Variants in SAMD3 observed in about 807,000 individuals in gnomAD.
SAMD3 encodes the protein sterile alpha motif domain containing 3.
Under a neutral mutation model 58.5 loss-of-function variants are expected in SAMD3, and 63 were observed. That is an observed-to-expected ratio of 1.08 (90% CI 0.88 to 1.33). The LOEUF (loss-of-function observed/expected upper bound fraction) is 1.33. SAMD3 is among the 40% of genes most tolerant of loss of function. SAMD3 has a pLI of 0.00. For missense variants in SAMD3, 604 were observed against 608.4 expected (o/e 0.99, Z 0.08); for synonymous variants, 220 against 210.3 (o/e 1.05, Z -0.40).
At chr6:130,195,282 T>C (rs913516658) in intron 5 of SAMD3, among the ~76,000 whole-genome samples, 1 of 152,072 alleles carries the variant, frequency 6.6e-6, no homozygotes, top group African/African-American at 2.4e-5. Context: ...ATGCACCCCT[T>C]ACCATCTCAT....
intron 9 of SAMD3, 80 bp downstream of exon 9, chr6:130,154,745 A>G (rs1789616593): frequency 1.6e-5 from 5 of 313,762 alleles, no homozygotes; most frequent in South Asian, 1.7e-4. Flanking sequence ...ATATATATGT[A>G]TGTATATATA....
chr6:130,178,342 C>CGTGTGAT (rs1280910615), intron 7 of SAMD3, among the ~76,000 whole-genome samples: 30 of 150,220 alleles, frequency 2.0e-4, no homozygotes, highest in African/African-American at 7.4e-4. Context: ...GCTGCAATGC[C>CGTGTGAT]GTGTGATTGA....
chr6:130,275,288 C>T (rs1262030953), intron 2 of SAMD3, among the ~76,000 whole-genome samples: 1 of 152,110 alleles, frequency 6.6e-6, no homozygotes, highest in African/African-American at 2.4e-5. Context: ...TTGAATCAGC[C>T]TGGGTCCCAT....
chr6:130,278,412 T>C (rs997530351), intron 2 of SAMD3, among the ~76,000 whole-genome samples: 3 of 152,222 alleles, frequency 2.0e-5, no homozygotes, highest in Non-Finnish European at 2.9e-5. Context: ...AATTCCCCTG[T>C]CTTGATAAAA....
At chr6:130,346,039 A>G (rs6915757) in intron 1 of SAMD3, among the ~76,000 whole-genome samples, 74,080 of 152,220 alleles carry the variant, frequency 0.49, 22,124 homozygotes, top group African/African-American at 0.85. Flanking sequence ...ATATGCAGCC[A>G]TGGAAGTTTT....
At chr6:130,210,295 C>A (rs1212516445) in intron 4 of SAMD3, among the ~76,000 whole-genome samples, 2 of 152,184 alleles carry the variant, frequency 1.3e-5, no homozygotes, top group Non-Finnish European at 2.9e-5. Context: ...GCCTACACAT[C>A]CTTTTCAAAA....
chr6:130,220,994 C>T (rs373645333), intron 1 of SAMD3, among the ~76,000 whole-genome samples: 10 of 152,218 alleles, frequency 6.6e-5, no homozygotes, highest in South Asian at 2.1e-4. Flanking sequence ...GCTGGGACTA[C>T]GGGTGCCCAC....
At chr6:130,231,521 G>A (rs1048165657) in intron 2 of SAMD3, among the ~76,000 whole-genome samples, 4 of 152,006 alleles carry the variant, frequency 2.6e-5, no homozygotes, top group South Asian at 2.1e-4. Context: ...CCAAGATCAC[G>A]CCATTGCACT....
At chr6:130,184,280 T>G (rs1172671519) in intron 6 of SAMD3, 93 bp from the exon 7 acceptor site, 1 of 1,222,788 alleles carries the variant, frequency 8.2e-7, no homozygotes, top group Non-Finnish European at 1.1e-6. Flanking sequence ...TTTCTTCACA[T>G]TTTTCTATAT....
upstream of SAMD3, among the ~76,000 whole-genome samples, chr6:130,223,289 C>T (rs566097926): frequency 6.6e-6 from 1 of 152,292 alleles, no homozygotes; most frequent in South Asian, 2.1e-4. Context: ...CTTGAGGCTT[C>T]ATTTTCTTTG....
intron 5 of SAMD3, among the ~76,000 whole-genome samples, chr6:130,208,808 A>T (rs1370667716): frequency 6.6e-6 from 1 of 152,132 alleles, no homozygotes; most frequent in East Asian, 1.9e-4. Context: ...TCCTAAATCC[A>T]TCCCCCTGAC....
At chr6:130,349,597 A>G (rs1583142049) in intron 1 of SAMD3, among the ~76,000 whole-genome samples, 1 of 152,174 alleles carries the variant, frequency 6.6e-6, no homozygotes, top group East Asian at 1.9e-4. Context: ...CAACCAAAAA[A>G]AGTCCAGGAC....
chr6:130,187,181 C>T (rs1355080816), intron 5 of SAMD3, among the ~76,000 whole-genome samples: 1 of 152,152 alleles, frequency 6.6e-6, no homozygotes, highest in Non-Finnish European at 1.5e-5. Context: ...AAATTAGCTG[C>T]CTGCCGGGTC....
chr6:130,200,211 C>A (rs1794519104), intron 5 of SAMD3, among the ~76,000 whole-genome samples: 1 of 152,008 alleles, frequency 6.6e-6, no homozygotes. Flanking sequence ...CCATGACATG[C>A]ACGTCAACAA....
intron 2 of SAMD3, among the ~76,000 whole-genome samples, chr6:130,289,975 T>G (rs12215220): frequency 0.28 from 42,192 of 151,996 alleles, 6,278 homozygotes; most frequent in East Asian, 0.44. Context: ...AGAGCTTTGA[T>G]TTGGATAATC....
At chr6:130,358,439 T>C (rs986004747) in intron 1 of SAMD3, among the ~76,000 whole-genome samples, 2 of 152,210 alleles carry the variant, frequency 1.3e-5, no homozygotes, top group Non-Finnish European at 2.9e-5. Flanking sequence ...TGTGTGTACA[T>C]GTCAGGAAAG....
chr6:130,157,342 A>AT (rs1308224729), intron 8 of SAMD3, among the ~76,000 whole-genome samples: 3 of 34,546 alleles, frequency 8.7e-5, no homozygotes, highest in East Asian at 2.8e-3. Context: ...TAGAGCTAAC[A>AT]TATTTTTTTT....
chr6:130,175,611 G>GA (rs965166553), intron 8 of SAMD3: 1 of 349,298 alleles, frequency 2.9e-6, no homozygotes, highest in Non-Finnish European at 5.1e-6. Context: ...TGAAGGTTGT[G>GA]AAAAAAACTG....
chr6:130,326,026 A>G (rs1247850729), intron 1 of SAMD3, among the ~76,000 whole-genome samples: 1 of 152,218 alleles, frequency 6.6e-6, no homozygotes, highest in East Asian at 1.9e-4. Flanking sequence ...ACTCAGGGGC[A>G]TATTGAGCAT....
Sources: allele counts gnomAD v4.1 joint callset (sites outside exome capture counted in the v4.1 genomes callset), GRCh38; gene constraint gnomAD v4.1.1; transcripts MANE v1.5; gene names NCBI Gene and HGNC (gene_info 2026-07-23, HGNC 2026-07-21).